Variants in ABCC11 observed in about 807,000 individuals in gnomAD.
ABCC11 encodes ATP-binding cassette sub-family C member 11.
ABCC11 carries 135 observed loss-of-function variants against 149.3 expected under a neutral mutation model. The ratio of observed to expected loss-of-function variants is 0.90; its 90% CI spans 0.79 to 1.04. ABCC11 has a LOEUF of 1.04. Ranked by LOEUF, ABCC11 falls within the 50% of genes least tolerant of loss-of-function variation. The probability of loss-of-function intolerance (pLI) is 0.00; values close to 1 mark genes in which losing one functional copy is unlikely to be tolerated. For missense variants in ABCC11, 1,680 were observed against 1,722.1 expected, an observed-to-expected ratio of 0.98 and a Z score of 0.43; for synonymous variants, 665 against 671.4, an observed-to-expected ratio of 0.99 and a Z score of 0.15.
intron 9 of ABCC11, 65 bp from the exon 10 acceptor site, chr16:48,213,615 C>T (rs1969103535): frequency 1.6e-6 from 2 of 1,268,556 alleles, no homozygotes; most frequent in Non-Finnish European, 2.2e-6. Flanking sequence ...TTCCCTGTCA[C>T]CCGCATCCCT....
At chr16:48,205,324 A>G (rs1033365039) in intron 13 of ABCC11, 89 bp downstream of exon 13, 32 of 1,545,108 alleles carry the variant, frequency 2.1e-5, no homozygotes, top group Non-Finnish European at 2.8e-5. Flanking sequence ...CACAAGTGTT[A>G]GCAGTTGTCA....
chr16:48,178,898 C>A (rs1393969993), intron 23 of ABCC11, among the ~76,000 whole-genome samples: 1 of 152,152 alleles, frequency 6.6e-6, no homozygotes, highest in Non-Finnish European at 1.5e-5. Context: ...TGGGGGAGAA[C>A]CTCCCCAGAC....
At chr16:48,188,951 T>C (rs769970739) in intron 20 of ABCC11, among the ~76,000 whole-genome samples, 7 of 152,346 alleles carry the variant, frequency 4.6e-5, no homozygotes, top group Non-Finnish European at 1.0e-4. Flanking sequence ...ATTTGAGCCA[T>C]GAAGTGTTCT....
At chr16:48,240,057 T>C (rs984319303) in intron 1 of ABCC11, among the ~76,000 whole-genome samples, 1 of 152,222 alleles carries the variant, frequency 6.6e-6, no homozygotes, top group Non-Finnish European at 1.5e-5. Context: ...GAAAAAGGAA[T>C]ACTTTTACAC....
chr16:48,225,210 C>CA (rs1167268843), intron 4 of ABCC11, among the ~76,000 whole-genome samples: 2 of 151,796 alleles, frequency 1.3e-5, no homozygotes, highest in Non-Finnish European at 2.9e-5. Context: ...GATACTCTGT[C>CA]AAAAAAATAA....
intron 14 of ABCC11, 103 bp from the exon 15 acceptor site, chr16:48,200,582 C>T (rs957083658): frequency 2.8e-5 from 32 of 1,162,974 alleles, no homozygotes; most frequent in Non-Finnish European, 3.6e-5. Context: ...TCAGTACAGA[C>T]CAAGATATGC....
chr16:48,216,294 G>A lies in ABCC11; in HGVS notation c.778-7C>T. 6.2e-7 allele frequency: 1 copy of A among 1,611,846 alleles called. No individual in the cohort carries two copies. On this transcript the variant is annotated splice_polypyrimidine_tract_variant and splice_region_variant and intron_variant, in intron 6 of 29. Coordinates refer to ENST00000356608, the MANE Select transcript of ABCC11 (RefSeq NM_001370497.1). ...CGGTGAAGAAGCTGATGGCCTGCAA[G>A]ACAGCAAGTTGATGGGCACAGATGT...
At chr16:48,196,681 T>C (rs1396156920) in intron 17 of ABCC11, among the ~76,000 whole-genome samples, 1 of 152,186 alleles carries the variant, frequency 6.6e-6, no homozygotes, top group Non-Finnish European at 1.5e-5. Context: ...ACTTAACCCT[T>C]CTGTTTCCTT....
chr16:48,237,678 C>A (rs1970753264), intron 1 of ABCC11, among the ~76,000 whole-genome samples: 2 of 152,192 alleles, frequency 1.3e-5, no homozygotes, highest in African/African-American at 4.8e-5. Flanking sequence ...CTTACCAGAG[C>A]CTACAGAGCC....
chr16:48,238,295 T>C (rs73555621), intron 1 of ABCC11, among the ~76,000 whole-genome samples: 1,994 of 152,284 alleles, frequency 0.013, 41 homozygotes, highest in African/African-American at 0.044. Flanking sequence ...GTTGCACACA[T>C]ATAAACACAC....
intron 12 of ABCC11, among the ~76,000 whole-genome samples, chr16:48,207,108 G>A (rs1968512914): frequency 6.6e-6 from 1 of 152,084 alleles, no homozygotes; most frequent in Non-Finnish European, 1.5e-5. Context: ...TTGGGAGAAG[G>A]AGCTGAGGGA....
At chr16:48,200,151 A>G in intron 15 of ABCC11, 125 bp downstream of exon 15, 1 of 968,390 alleles carries the variant, frequency 1.0e-6, no homozygotes, top group Non-Finnish European at 1.5e-6. Context: ...CCAAATGTGG[A>G]GGAGTCTAAC....
intron 5 of ABCC11, 31 bp from the exon 6 acceptor site, chr16:48,222,862 G>T (rs1213902330): frequency 5.8e-6 from 9 of 1,554,944 alleles, no homozygotes; most frequent in Non-Finnish European, 8.0e-6. Context: ...GGATCATTCA[G>T]ACCACCCTGC....
chr16:48,199,458 G>A (rs902722599), intron 15 of ABCC11, among the ~76,000 whole-genome samples: 1 of 151,702 alleles, frequency 6.6e-6, no homozygotes, highest in African/African-American at 2.4e-5. Context: ...AAGAAGAAGG[G>A]GGAGAGAAAA....
chr16:48,168,621 T>C (rs2150704772), intron 28 of ABCC11, among the ~76,000 whole-genome samples: 1 of 152,332 alleles, frequency 6.6e-6, no homozygotes, highest in Non-Finnish European at 1.5e-5. Context: ...TCTCACATAC[T>C]CAAACACCTG....
chr16:48,234,148 C>T (rs1223609056), intron 1 of ABCC11, among the ~76,000 whole-genome samples: 1 of 152,180 alleles, frequency 6.6e-6, no homozygotes, highest in East Asian at 1.9e-4. Context: ...CCCATCATGG[C>T]CGATTTCGTG....
In ABCC11 at chr16:48,208,455, C is replaced by T. The variant is rs748804387; in HGVS notation, c.1650G>A (p.Lys550=). The change falls in exon 12 of 30, where the codon AAG becomes AAA. Residue 550 remains lysine, a synonymous_variant. Coordinates refer to ENST00000356608, the MANE Select transcript of ABCC11 (RefSeq NM_001370497.1). ...CCAGGATGGCTGACAACAGGCTGCT[C>T]TTACCACTCCCCGTGTTGCCGCAGA... The part of the protein sequence containing the change: ...LGVCGNTGSG[K]SSLLSAILEE... 2 of 1,614,168 alleles carry T rather than the reference C, an allele frequency of 1.2e-6. No individual in the cohort carries two copies. Among genetic ancestry groups the T allele is most frequent in the Admixed American group, 1.7e-5 (1 of 60,028 alleles).
At chr16:48,205,261 T>C in intron 13 of ABCC11, 152 bp downstream of exon 13, 2 of 1,227,070 alleles carry the variant, frequency 1.6e-6, no homozygotes, top group South Asian at 1.6e-5. Context: ...ATTGATATGA[T>C]GGTATTTCTT....
Position 48,170,810 on chromosome 16 carries a change from CAT to C in ABCC11, c.3777+77_3777+78del. ...CGAAGCAGCAGCAGCTGGAACACCA[CAT>C]GAGAGGAGCCCCAAAGGGGCAGCCC... On this transcript the variant is annotated intron_variant, in intron 27 of 29. Transcript: ENST00000356608. 2.2e-6 allele frequency: 3 copies of C among 1,338,818 alleles called. No individual in the cohort carries two copies. In the South Asian group the frequency reaches 3.7e-5, roughly 16 times the overall value. The allele number at this position is 1,338,818 out of a possible 1,614,324, so 82.9% of individuals were successfully genotyped here.
Sources: allele counts gnomAD v4.1 joint callset (sites outside exome capture counted in the v4.1 genomes callset), GRCh38; gene constraint gnomAD v4.1.1; transcripts MANE v1.5; gene names NCBI Gene and HGNC (gene_info 2026-07-23, HGNC 2026-07-21).